Variants in NAA35 observed in about 807,000 individuals in gnomAD.
The protein encoded by NAA35 is N-alpha-acetyltransferase 35, NatC auxiliary subunit.
In NAA35, 18 loss-of-function variants were observed where a neutral mutation model predicts 101.7. The ratio of observed to expected loss-of-function variants is 0.18; its 90% CI spans 0.12 to 0.26. The LOEUF is 0.26. Among genes scored for constraint, NAA35 ranks in the 10% least tolerant of loss-of-function variants. The probability of loss-of-function intolerance (pLI) is 1.00; values close to 1 mark genes in which losing one functional copy is unlikely to be tolerated. For synonymous variants in NAA35, 267 were observed against 273.1 expected, an observed-to-expected ratio of 0.98 and a Z score of 0.22; for missense variants, 601 against 886.8, an observed-to-expected ratio of 0.68 and a Z score of 4.09.
intron 11 of NAA35, among the ~76,000 whole-genome samples, chr9:85,992,792 T>TGAGG (rs1830973711): frequency 6.6e-6 from 1 of 152,314 alleles, no homozygotes; most frequent in African/African-American, 2.4e-5. Context: ...GAATGAAGTG[T>TGAGG]GAGGATTAGG....
chr9:86,018,520 G>C, intron 20 of NAA35, 125 bp downstream of exon 20: 1 of 1,311,266 alleles, frequency 7.6e-7, no homozygotes, highest in African/African-American at 1.5e-5. Flanking sequence ...ATATGAGGTA[G>C]CATATGAGGG....
intron 14 of NAA35, among the ~76,000 whole-genome samples, chr9:86,008,938 CTTAT>C (rs2118387884): frequency 6.6e-6 from 1 of 152,258 alleles, no homozygotes; most frequent in Non-Finnish European, 1.5e-5. Flanking sequence ...CCTGTTATTA[CTTAT>C]TTATTGCTTC....
chr9:85,976,520 G>C (rs1382360103), intron 8 of NAA35, among the ~76,000 whole-genome samples, 165 bp from the exon 9 acceptor site: 1 of 151,970 alleles, frequency 6.6e-6, no homozygotes, highest in Non-Finnish European at 1.5e-5. Context: ...CTGTGTATAG[G>C]ATTAATAGGA....
chr9:85,998,173 G>A (rs1034319109), intron 12 of NAA35, among the ~76,000 whole-genome samples: 4 of 151,912 alleles, frequency 2.6e-5, no homozygotes, highest in Non-Finnish European at 4.4e-5. Flanking sequence ...CTTGGCCTCC[G>A]AAAATGCTGG....
chr9:85,997,364 G>C (rs1831208144), intron 12 of NAA35, among the ~76,000 whole-genome samples: 2 of 150,570 alleles, frequency 1.3e-5, no homozygotes, highest in South Asian at 4.2e-4. Context: ...TTTTTTGATA[G>C]GGGGTTTCCC....
chr9:86,016,579 T>C lies in NAA35; in HGVS notation c.1609T>C (p.Leu537=), dbSNP rs144175020. 7 of 1,613,932 alleles carry C rather than the reference T, an allele frequency of 4.3e-6. No individual in the cohort carries two copies. Among genetic ancestry groups the C allele is most frequent in the African/African-American group, 2.7e-5 (2 of 74,918 alleles). ...CCTTTACGCATGGTTGATGTCAACATTGAGTCGTGCCGATGGCTCTCAAAT... is the reference window on the plus strand; with the variant it reads ...CCTTTACGCATGGTTGATGTCAACACTGAGTCGTGCCGATGGCTCTCAAAT... The part of the protein sequence containing the change: ...EFLYAWLMST[L]SRADGSQMAE... Residue 537 remains leucine, a synonymous_variant, in exon 18 of 23, where the codon TTG becomes CTG. Coordinates refer to ENST00000361671, the MANE Select transcript of NAA35 (RefSeq NM_024635.4).
rs540883322 is a variant in NAA35 at position 86,012,205 on chromosome 9, C to T, written c.1291-841C>T. Among the ~76,000 whole-genome samples the T allele has an allele frequency of 4.6e-5, 7 of 151,156 alleles. No individual in the cohort carries two copies. The East Asian group carries it at 1.4e-3, about 29-fold the overall frequency. On this transcript the variant is annotated intron_variant, in intron 15 of 22. Coordinates refer to ENST00000361671, the MANE Select transcript of NAA35 (RefSeq NM_024635.4). The stretch of plus-strand genomic sequence containing the variant: ...TGCGATCTCAGCTTACTGCAACCTC[C>T]GCCTCCCAGGTTCAAGAAGTTCTCT...
At chr9:85,981,733 C>T (rs936505812) in intron 11 of NAA35, among the ~76,000 whole-genome samples, 1 of 152,116 alleles carries the variant, frequency 6.6e-6, no homozygotes. Context: ...ATGGGTAATA[C>T]CTTTTAGCTG....
intron 6 of NAA35, among the ~76,000 whole-genome samples, chr9:85,970,534 C>T (rs140460935): frequency 3.8e-4 from 58 of 152,144 alleles, no homozygotes; most frequent in Non-Finnish European, 5.6e-4. Context: ...TGACACGTGC[C>T]GGCTTATACA....
In NAA35 at chr9:86,023,230, C is replaced by T. The variant is rs1006837547; in HGVS notation, c.*1270C>T. Among the ~76,000 whole-genome samples the T allele has an allele frequency of 6.6e-5, 10 of 151,928 alleles. No individual in the cohort carries two copies. Among genetic ancestry groups the T allele is most frequent in the Admixed American group, 5.2e-4 (8 of 15,250 alleles). ...CATTAGGTGTCCTGAAATTTCAGAA[C>T]CGAAAAATCTTAAAAAAAATTATTT... On this transcript the variant is annotated 3_prime_UTR_variant, in exon 23 of 23. Transcript: ENST00000361671.
chr9:85,997,983 T>C lies in NAA35; in HGVS notation c.1056+1406T>C, dbSNP rs868719096. Among the ~76,000 whole-genome samples the C allele has an allele frequency of 1.6e-4, 24 of 152,204 alleles. No homozygotes were observed. The Middle Eastern group carries it at 0.017, about 109-fold the overall frequency. ...AGGCTGGAGTGCAGTGGTGTGATCT[T>C]GGCTCACTGCAAGCTCCACCTCCCA... On this transcript the variant is annotated intron_variant, in intron 12 of 22. Transcript: ENST00000361671.
chr9:85,946,338 G>A (rs181668259), intron 2 of NAA35, among the ~76,000 whole-genome samples: 2 of 152,060 alleles, frequency 1.3e-5, no homozygotes, highest in Admixed American at 6.5e-5. Context: ...ATTATGTTAC[G>A]TAGGCTGGTC....
At chr9:86,015,849 T>C (rs566547786) in intron 17 of NAA35, 506 of 864,282 alleles carry the variant, frequency 5.9e-4, no homozygotes, top group Non-Finnish European at 6.7e-4. Flanking sequence ...AATTAAGATA[T>C]ATGAGTTGTT....
intron 12 of NAA35, among the ~76,000 whole-genome samples, chr9:85,997,348 T>A (rs1831206789): frequency 6.8e-6 from 1 of 148,012 alleles, no homozygotes; most frequent in Non-Finnish European, 1.5e-5. Context: ...CTTGGATAAT[T>A]TTTTTTTTTT....
chr9:85,942,969 T>G (rs927546857), intron 2 of NAA35, among the ~76,000 whole-genome samples: 3 of 152,242 alleles, frequency 2.0e-5, no homozygotes, highest in African/African-American at 7.2e-5. Context: ...AATCACTTTT[T>G]ATTTTCTTCA....
At chr9:86,011,016 G>A (rs1459495595) in intron 15 of NAA35, among the ~76,000 whole-genome samples, 1 of 151,482 alleles carries the variant, frequency 6.6e-6, no homozygotes, top group African/African-American at 2.4e-5. Flanking sequence ...GCTGAGGCAG[G>A]TGGATCACCT....
intron 17 of NAA35, among the ~76,000 whole-genome samples, chr9:86,014,910 A>G (rs1306681494): frequency 1.3e-5 from 2 of 152,172 alleles, no homozygotes; most frequent in African/African-American, 4.8e-5. Context: ...TTTGTTATTC[A>G]TAGTAGACAA....
In NAA35 at chr9:85,996,544, G is replaced by T. The variant is rs1242915293; in HGVS notation, c.1023G>T (p.Glu341Asp). The T allele has an allele frequency of 8.2e-6, 13 of 1,586,064 alleles. No homozygotes were observed. Among genetic ancestry groups the T allele is most frequent in the Non-Finnish European group, 1.0e-5 (12 of 1,172,226 alleles). Residue 341 changes from glutamate (E) to aspartate (D), a missense_variant, in exon 12 of 23, where the codon GAG (glutamate) becomes GAT (aspartate). Transcript: ENST00000361671. ...RLIDRIKTVC[E>D]VVNLTNLHCI... ...TAGATAGAATAAAAACTGTCTGTGAGGTTGTGAATTTAACAAATTTACATT... is the reference window on the plus strand; with the variant it reads ...TAGATAGAATAAAAACTGTCTGTGATGTTGTGAATTTAACAAATTTACATT...
At chr9:86,002,385 G>C (rs991103224) in intron 12 of NAA35, among the ~76,000 whole-genome samples, 1 of 152,084 alleles carries the variant, frequency 6.6e-6, no homozygotes, top group African/African-American at 2.4e-5. Context: ...TGTATTTCCT[G>C]AATTTGAATG....
Sources: allele counts gnomAD v4.1 joint callset (sites outside exome capture counted in the v4.1 genomes callset), GRCh38; gene constraint gnomAD v4.1.1; transcripts MANE v1.5; gene names NCBI Gene and HGNC (gene_info 2026-07-23, HGNC 2026-07-21).